Variants in SEM1 observed in about 807,000 individuals in gnomAD.
SEM1 encodes the protein SEM1 26S proteasome subunit.
Under a neutral mutation model 12.7 loss-of-function variants are expected in SEM1, and 3 were observed. That is an observed-to-expected ratio of 0.24 (90% CI 0.11 to 0.61). SEM1 has a LOEUF of 0.61. SEM1 is among the 20% of genes least tolerant of loss of function. The pLI, the probability that SEM1 is intolerant of heterozygous loss-of-function variation, is 0.88. For synonymous variants in SEM1, 30 were observed against 27.8 expected, an observed-to-expected ratio of 1.08 and a Z score of -0.25; for missense variants, 59 against 81.3, an observed-to-expected ratio of 0.73 and a Z score of 1.06.
chr7:96,501,500 G>T (rs1025871973), intron 3 of SEM1, among the ~76,000 whole-genome samples: 2 of 151,992 alleles, frequency 1.3e-5, no homozygotes, highest in African/African-American at 4.8e-5. Flanking sequence ...AATGAAGATT[G>T]TTCCACAAAG....
At chr7:96,486,358 G>A in exon 2 of SEM1, 1 of 1,536,966 alleles carries the variant, frequency 6.5e-7, no homozygotes. Flanking sequence ...CCCTTTTTAT[G>A]CCATGCTTTC....
upstream of SEM1, among the ~76,000 whole-genome samples, chr7:96,500,948 A>C (rs1264585137): frequency 1.3e-5 from 2 of 152,154 alleles, no homozygotes; most frequent in African/African-American, 4.8e-5. Flanking sequence ...CCACAGATTT[A>C]TACCTAGCTA....
intron 2 of SEM1, among the ~76,000 whole-genome samples, chr7:96,571,467 TC>T (rs1470751699): frequency 2.6e-5 from 4 of 151,974 alleles, no homozygotes; most frequent in Non-Finnish European, 5.9e-5. Context: ...GGGAATCCTT[TC>T]CCCATTGTTT....
chr7:96,669,175 C>T (rs1789245649), downstream of SEM1, among the ~76,000 whole-genome samples: 11 of 152,124 alleles, frequency 7.2e-5, no homozygotes, highest in Admixed American at 7.2e-4. Context: ...CCCTAGGAAA[C>T]TAAAATGCTG....
At chr7:96,607,000 C>G (rs1021484518) in intron 2 of SEM1, among the ~76,000 whole-genome samples, 1 of 152,182 alleles carries the variant, frequency 6.6e-6, no homozygotes, top group Non-Finnish European at 1.5e-5. Context: ...TTAAGTAAGA[C>G]AGATCTGGCA....
intron 2 of SEM1, among the ~76,000 whole-genome samples, chr7:96,527,880 G>C (rs11768121): frequency 6.6e-6 from 1 of 151,982 alleles, no homozygotes; most frequent in Non-Finnish European, 1.5e-5. Context: ...GTTCTTTTTT[G>C]TTGTTGTTGT....
At chr7:96,563,807 G>C (rs1451343240) in intron 2 of SEM1, among the ~76,000 whole-genome samples, 1 of 152,072 alleles carries the variant, frequency 6.6e-6, no homozygotes, top group Non-Finnish European at 1.5e-5. Context: ...AATTCAAACT[G>C]TTAATACTCA....
At chr7:96,525,260 CTT>C (rs11341570) in intron 2 of SEM1, among the ~76,000 whole-genome samples, 58 of 145,026 alleles carry the variant, frequency 4.0e-4, no homozygotes, top group Admixed American at 3.5e-4. Context: ...GTCCTGACTC[CTT>C]TTTTTTTTTT....
intron 2 of SEM1, among the ~76,000 whole-genome samples, chr7:96,541,443 G>GTTTTTTTTTTTT (rs61049763): frequency 2.0e-5 from 2 of 102,402 alleles, no homozygotes; most frequent in Admixed American, 1.0e-4. Flanking sequence ...TTTTTTTTTT[G>GTTTTTTTTTTTT]TTTTTTTTTT....
chr7:96,657,469 G>T (rs1160839159), intron 2 of SEM1, among the ~76,000 whole-genome samples: 1 of 152,182 alleles, frequency 6.6e-6, no homozygotes, highest in Non-Finnish European at 1.5e-5. Flanking sequence ...AAGTAAAAGA[G>T]GGATTAAAAT....
chr7:96,554,648 T>A (rs926437927), intron 2 of SEM1, among the ~76,000 whole-genome samples: 2 of 151,794 alleles, frequency 1.3e-5, no homozygotes, highest in African/African-American at 4.8e-5. Context: ...GATATTGGTC[T>A]AACATTCTCT....
At chr7:96,632,792 T>G (rs1275683867) in intron 2 of SEM1, among the ~76,000 whole-genome samples, 17 of 149,658 alleles carry the variant, frequency 1.1e-4, no homozygotes, top group South Asian at 4.2e-4. Flanking sequence ...TTGTTTTTTT[T>G]TTTTTTTTGG....
At chr7:96,500,090 T>C (rs1803461277), upstream of SEM1, among the ~76,000 whole-genome samples, 1 of 152,172 alleles carries the variant, frequency 6.6e-6, no homozygotes, top group Non-Finnish European at 1.5e-5. Context: ...ATGAAAAACC[T>C]TGTCAGTCTG....
downstream of SEM1, among the ~76,000 whole-genome samples, chr7:96,686,792 T>G (rs1228302180): frequency 6.6e-6 from 1 of 151,980 alleles, no homozygotes. Context: ...ACAAATGGGA[T>G]CTAATTAAAC....
intron 2 of SEM1, among the ~76,000 whole-genome samples, chr7:96,578,126 A>G (rs1424991194): frequency 2.0e-5 from 3 of 152,144 alleles, no homozygotes; most frequent in Non-Finnish European, 4.4e-5. Context: ...ATCAGTGAAC[A>G]TGGAGGCTAA....
chr7:96,630,095 T>C (rs1808199375), intron 2 of SEM1, among the ~76,000 whole-genome samples: 1 of 152,208 alleles, frequency 6.6e-6, no homozygotes, highest in South Asian at 2.1e-4. Flanking sequence ...CACCACAGCA[T>C]TGGGTGTTGC....
At chr7:96,584,557 G>C (rs1402710736) in intron 2 of SEM1, among the ~76,000 whole-genome samples, 2 of 152,018 alleles carry the variant, frequency 1.3e-5, no homozygotes, top group African/African-American at 4.8e-5. Flanking sequence ...ATATCCTGCA[G>C]AGTGTTTTCC....
intron 2 of SEM1, among the ~76,000 whole-genome samples, chr7:96,571,942 A>C (rs1362525423): frequency 3.3e-5 from 5 of 152,048 alleles, no homozygotes; most frequent in Non-Finnish European, 7.4e-5. Flanking sequence ...TAGGCTATTA[A>C]TTACTGCCTC....
intron 2 of SEM1, among the ~76,000 whole-genome samples, chr7:96,610,734 C>G (rs1425051254): frequency 1.3e-5 from 2 of 152,212 alleles, no homozygotes; most frequent in Non-Finnish European, 2.9e-5. Flanking sequence ...TTACCAGAGT[C>G]TACAATCTTT....
Sources: allele counts gnomAD v4.1 joint callset (sites outside exome capture counted in the v4.1 genomes callset), GRCh38; gene constraint gnomAD v4.1.1; transcripts MANE v1.5; gene names NCBI Gene and HGNC (gene_info 2026-07-23, HGNC 2026-07-21).